PAQR5: variants seen among roughly 807,000 people sequenced by gnomAD.
PAQR5 encodes membrane progestin receptor gamma.
Under a neutral mutation model 34.5 loss-of-function variants are expected in PAQR5, and 20 were observed. The ratio of observed to expected loss-of-function variants is 0.58; its 90% CI spans 0.41 to 0.84. The LOEUF is 0.84. PAQR5 is among the 40% of genes least tolerant of loss of function. The pLI is 0.00. For synonymous variants in PAQR5, 131 were observed against 155.6 expected, an observed-to-expected ratio of 0.84 and a Z score of 1.18; for missense variants, 378 against 412.7, an observed-to-expected ratio of 0.92 and a Z score of 0.73.
chr15:69,310,866 G>A (rs576482351), intron 1 of PAQR5, among the ~76,000 whole-genome samples: 3 of 151,524 alleles, frequency 2.0e-5, no homozygotes, highest in South Asian at 2.1e-4. Context: ...GTGAAACCCC[G>A]TCTCTACTAA....
intron 2 of PAQR5, among the ~76,000 whole-genome samples, chr15:69,352,507 C>G (rs1219741568): frequency 1.3e-5 from 2 of 152,376 alleles, no homozygotes; most frequent in Admixed American, 6.5e-5. Flanking sequence ...TCTGCCTTCT[C>G]TCTTCCAGCC....
chr15:69,306,115 TC>T (rs2053710365), intron 1 of PAQR5, among the ~76,000 whole-genome samples: 2 of 152,030 alleles, frequency 1.3e-5, no homozygotes, highest in African/African-American at 4.8e-5. Flanking sequence ...TGTCAGGCTG[TC>T]CCTGCAGGGT....
intron 2 of PAQR5, among the ~76,000 whole-genome samples, chr15:69,358,553 TA>T (rs2055140718): frequency 6.6e-6 from 1 of 151,686 alleles, no homozygotes; most frequent in South Asian, 2.1e-4. Context: ...TTGGGAAAGT[TA>T]TTCCGCCCCT....
intron 1 of PAQR5, among the ~76,000 whole-genome samples, chr15:69,307,087 A>G (rs2415039): frequency 0.99 from 150,101 of 151,944 alleles, 74,161 homozygotes; most frequent in East Asian, 1. Flanking sequence ...ATTCCATTAC[A>G]TATACATCAT....
intron 3 of PAQR5, among the ~76,000 whole-genome samples, chr15:69,375,283 C>T (rs980622095): frequency 2.6e-5 from 4 of 152,134 alleles, no homozygotes; most frequent in African/African-American, 9.7e-5. Context: ...GGTGCTCATC[C>T]CTGGTGTCTC....
chr15:69,346,718 T>G (rs1020628763), intron 2 of PAQR5, among the ~76,000 whole-genome samples: 3 of 151,522 alleles, frequency 2.0e-5, no homozygotes, highest in African/African-American at 7.3e-5. Context: ...GCCTCCCAGG[T>G]TCAAGCAATT....
intron 5 of PAQR5, among the ~76,000 whole-genome samples, chr15:69,386,855 C>G (rs998560552): frequency 2.0e-5 from 3 of 152,146 alleles, no homozygotes; most frequent in African/African-American, 7.2e-5. Context: ...TGCTCCCGCC[C>G]CTGCCCCTAC....
At chr15:69,329,734 C>A (rs1166919020) in intron 1 of PAQR5, among the ~76,000 whole-genome samples, 2 of 152,054 alleles carry the variant, frequency 1.3e-5, no homozygotes, top group African/African-American at 4.8e-5. Flanking sequence ...ATCTGCCTGC[C>A]TTGGCCTCCC....
intron 3 of PAQR5, among the ~76,000 whole-genome samples, chr15:69,374,612 G>C (rs1356815029): frequency 6.6e-6 from 1 of 152,222 alleles, no homozygotes; most frequent in Non-Finnish European, 1.5e-5. Flanking sequence ...AGGAGGCAGA[G>C]CTTGCAGGGA....
At chr15:69,361,385 A>C (rs2055227899) in intron 3 of PAQR5, among the ~76,000 whole-genome samples, 1 of 152,196 alleles carries the variant, frequency 6.6e-6, no homozygotes, top group South Asian at 2.1e-4. Flanking sequence ...TTCTTTTCTA[A>C]AGTGGGTTAG....
intron 5 of PAQR5, among the ~76,000 whole-genome samples, chr15:69,386,253 C>T (rs555889755): frequency 1.9e-3 from 287 of 151,288 alleles, no homozygotes; most frequent in Middle Eastern, 3.4e-3. Context: ...ACACCACACA[C>T]ACACATCACA....
intron 3 of PAQR5, among the ~76,000 whole-genome samples, chr15:69,378,149 C>T (rs899030745): frequency 9.3e-5 from 14 of 151,108 alleles, no homozygotes; most frequent in African/African-American, 2.2e-4. Flanking sequence ...TTGTAATCCC[C>T]GCTACCCGAG....
intron 2 of PAQR5, among the ~76,000 whole-genome samples, chr15:69,345,525 T>A (rs1193530789): frequency 6.6e-6 from 1 of 152,144 alleles, no homozygotes; most frequent in Non-Finnish European, 1.5e-5. Context: ...AAATTTCACC[T>A]CTTAGTAATT....
chr15:69,372,298 C>G (rs1417330172), intron 3 of PAQR5, among the ~76,000 whole-genome samples: 1 of 152,186 alleles, frequency 6.6e-6, no homozygotes, highest in Non-Finnish European at 1.5e-5. Flanking sequence ...AATCCCAGCA[C>G]TTTGGGAAAC....
At position 69,312,109 on chromosome 15, in the gene PAQR5, G is replaced by T. The variant is rs151058542; in HGVS notation, c.-277+13053G>T. On this transcript the variant is annotated intron_variant, in intron 1 of 8. Transcript: ENST00000395407. Reference sequence around the variant, plus strand: ...GCAAGAGCAAACTGCGGGGTGCAGGGGAGTGTGTGGGTGTGTTTGGGTGTC... The same window carrying T: ...GCAAGAGCAAACTGCGGGGTGCAGGTGAGTGTGTGGGTGTGTTTGGGTGTC... Among the ~76,000 whole-genome samples the T allele has an allele frequency of 3.7e-3, 565 of 152,238 alleles. 10 individuals carry two copies. The highest frequency in any genetic ancestry group is 0.013 in the African/African-American group (524 of 41,550).
intron 5 of PAQR5, among the ~76,000 whole-genome samples, chr15:69,388,280 G>GT (rs1215965324): frequency 1.3e-5 from 2 of 152,192 alleles, no homozygotes; most frequent in African/African-American, 4.8e-5. Context: ...GGCTCCCTTA[G>GT]TGCCTGAAAG....
In PAQR5 at chr15:69,406,313, TTGAATG is replaced by T. The variant is rs1359666408; in HGVS notation, c.*2494_*2499del. On this transcript the variant is annotated 3_prime_UTR_variant, in exon 9 of 9. Coordinates refer to ENST00000395407, the MANE Select transcript of PAQR5 (RefSeq NM_017705.4). ...CCAGACCTTACAACTGTGATAAAAC[TTGAATG>T]TGTATGATGAATAAGGCCATTCAGT... The T allele has an allele frequency of 2.0e-5, 3 of 152,334 alleles. No homozygotes were observed. Among genetic ancestry groups the T allele is most frequent in the Non-Finnish European group, 4.4e-5 (3 of 68,030 alleles). The allele number at this position is 152,334 out of a possible 1,614,324, so 9.4% of individuals were successfully genotyped here.
chr15:69,387,776 C>T lies in PAQR5; in HGVS notation c.386-1878C>T, dbSNP rs543469543. Among the ~76,000 whole-genome samples the T allele has an allele frequency of 2.4e-4, 37 of 152,256 alleles. 2 individuals carry two copies. Among genetic ancestry groups the T allele is most frequent in the African/African-American group, 7.5e-4 (31 of 41,540 alleles). On this transcript the variant is annotated intron_variant, in intron 5 of 8. Coordinates refer to ENST00000395407, the MANE Select transcript of PAQR5 (RefSeq NM_017705.4). ...TCTGTGTAAGAGTTCCTCTTGTTGC[C>T]ATGGTCTCCCTTCTCTGTATCCTCC...
intron 8 of PAQR5, among the ~76,000 whole-genome samples, chr15:69,401,933 G>A (rs1595955190): frequency 6.6e-6 from 1 of 152,164 alleles, no homozygotes; most frequent in South Asian, 2.1e-4. Flanking sequence ...GGATCTCACT[G>A]TGTTGCCCAG....
Sources: gnomAD v4.1 joint callset for allele counts (sites outside exome capture counted in the v4.1 genomes callset) on GRCh38, gnomAD v4.1.1 for gene constraint, MANE v1.5 for transcripts, NCBI Gene and HGNC (gene_info 2026-07-23, HGNC 2026-07-21) for gene names.